CSMD1: variants seen among roughly 807,000 people sequenced by gnomAD.
The protein encoded by CSMD1 is CUB and Sushi multiple domains 1, also known as CUB and sushi domain-containing protein 1.
In CSMD1, 213 loss-of-function variants were observed where a neutral mutation model predicts 417.5. The observed-to-expected ratio is 0.51, with a 90% CI of 0.46 to 0.57. The LOEUF is 0.57. Ranked by LOEUF, CSMD1 falls within the 20% of genes least tolerant of loss-of-function variation. The pLI is 0.00. For synonymous variants in CSMD1, 2,862 were observed against 1,736.8 expected, an observed-to-expected ratio of 1.65 and a Z score of -16.11; for missense variants, 6,923 against 4,529.7, an observed-to-expected ratio of 1.53 and a Z score of -15.17.
chr8:4,680,681 G>A (rs181795461), intron 1 of CSMD1, among the ~76,000 whole-genome samples: 1,641 of 152,186 alleles, frequency 0.011, 16 homozygotes, highest in Middle Eastern at 0.017. Context: ...CCAGGTTCAA[G>A]TGACTCTCCC....
chr8:3,174,146 G>C (rs1460400), intron 37 of CSMD1, among the ~76,000 whole-genome samples: 100,168 of 152,052 alleles, frequency 0.66, 34,328 homozygotes, highest in African/African-American at 0.85. Flanking sequence ...TCAGCACAGC[G>C]AACTGCAGAA....
At chr8:4,749,863 A>G (rs537089995) in intron 1 of CSMD1, among the ~76,000 whole-genome samples, 1 of 152,110 alleles carries the variant, frequency 6.6e-6, no homozygotes, top group Non-Finnish European at 1.5e-5. Context: ...ATTTACGGCA[A>G]AAAGAGAAAT....
intron 10 of CSMD1, among the ~76,000 whole-genome samples, chr8:3,554,020 A>G (rs1391007385): frequency 6.6e-6 from 1 of 152,194 alleles, no homozygotes; most frequent in African/African-American, 2.4e-5. Flanking sequence ...ATTTTTCAAA[A>G]AAAATAAGTA....
chr8:3,701,976 CT>C (rs1166533100), intron 7 of CSMD1, among the ~76,000 whole-genome samples: 9 of 149,574 alleles, frequency 6.0e-5, no homozygotes, highest in Middle Eastern at 3.4e-3. Context: ...CTTCAGGTCT[CT>C]TTTTTTTTTC....
At chr8:3,802,682 C>G (rs10112083) in intron 5 of CSMD1, among the ~76,000 whole-genome samples, 38,213 of 152,004 alleles carry the variant, frequency 0.25, 5,422 homozygotes, top group Non-Finnish European at 0.32. Flanking sequence ...CATGACACTT[C>G]AAAACGCAAT....
chr8:4,479,690 G>C (rs764487801), intron 2 of CSMD1, among the ~76,000 whole-genome samples: 8 of 151,942 alleles, frequency 5.3e-5, no homozygotes, highest in African/African-American at 1.9e-4. Flanking sequence ...GGTCAGGAGA[G>C]AGAGACCATC....
Position 4,920,891 on chromosome 8 carries a change from GAAAA to G in CSMD1, c.85+73437_85+73440del, listed in dbSNP as rs1563768707. Among the ~76,000 whole-genome samples the G allele has an allele frequency of 4.1e-3, 200 of 49,182 alleles. 13 individuals are homozygous for G. The highest frequency in any genetic ancestry group is 0.012 in the African/African-American group (180 of 15,640). The allele number at this position is 49,182 out of a possible 152,430, so 32.3% of individuals were successfully genotyped here. ...GAAAAGAAAAGAAAAGAAAAGAAAA[GAAAA>G]GAAAAGAAAAGAAAAGAAAAGAAAA... On this transcript the variant is annotated intron_variant, in intron 1 of 69. Transcript: ENST00000635120.
At chr8:3,467,578 G>C (rs1310417238) in intron 12 of CSMD1, among the ~76,000 whole-genome samples, 1 of 152,140 alleles carries the variant, frequency 6.6e-6, no homozygotes, top group Admixed American at 6.5e-5. Flanking sequence ...GGGTCATTAA[G>C]TCCCCAACAC....
intron 33 of CSMD1, among the ~76,000 whole-genome samples, chr8:3,194,718 C>A (rs1796609583): frequency 6.6e-6 from 1 of 151,732 alleles, no homozygotes; most frequent in Non-Finnish European, 1.5e-5. Context: ...AATCTGCCTG[C>A]CTTGGCCTCC....
chr8:4,993,704 G>T (rs570508993), intron 1 of CSMD1, among the ~76,000 whole-genome samples: 6 of 152,302 alleles, frequency 3.9e-5, no homozygotes, highest in Admixed American at 1.3e-4. Context: ...CTTACAACTT[G>T]CAAGGAGCGA....
intron 12 of CSMD1, among the ~76,000 whole-genome samples, chr8:3,449,119 G>T (rs990820229): frequency 1.2e-4 from 18 of 152,302 alleles, no homozygotes; most frequent in African/African-American, 4.1e-4. Context: ...AAAGCAACAT[G>T]CAAAGCACTT....
At chr8:4,974,198 G>A (rs1344719245) in intron 1 of CSMD1, among the ~76,000 whole-genome samples, 1 of 121,156 alleles carries the variant, frequency 8.3e-6, no homozygotes. Flanking sequence ...TTTTTTTTTT[G>A]TATTTTTAAT....
chr8:4,283,459 G>C (rs1174425497), intron 3 of CSMD1, among the ~76,000 whole-genome samples: 1 of 152,194 alleles, frequency 6.6e-6, no homozygotes, highest in East Asian at 1.9e-4. Flanking sequence ...ATTATCTCTT[G>C]CATTTTTACT....
At chr8:3,647,427 AAGAGAAATACAGTACAT>A (rs1322520892) in intron 7 of CSMD1, among the ~76,000 whole-genome samples, 1 of 152,202 alleles carries the variant, frequency 6.6e-6, no homozygotes, top group Non-Finnish European at 1.5e-5. Flanking sequence ...AAACAGCATA[AAGAGAAATACAGTACAT>A]AGAGAAATAC....
At chr8:3,809,688 C>G (rs1800953510) in intron 5 of CSMD1, among the ~76,000 whole-genome samples, 10 of 152,096 alleles carry the variant, frequency 6.6e-5, no homozygotes, top group Admixed American at 6.6e-4. Context: ...ATCTGGGAAC[C>G]ACACTTCCAG....
chr8:4,828,002 C>A (rs1465798214), intron 1 of CSMD1, among the ~76,000 whole-genome samples: 2 of 152,082 alleles, frequency 1.3e-5, no homozygotes, highest in Admixed American at 6.5e-5. Flanking sequence ...CTTTATAATG[C>A]AAAATGCATG....
chr8:3,255,484 G>A (rs1800582409), intron 26 of CSMD1, among the ~76,000 whole-genome samples: 1 of 152,218 alleles, frequency 6.6e-6, no homozygotes, highest in South Asian at 2.1e-4. Context: ...TACAGAGGCA[G>A]GCAGGCCTCC....
intron 37 of CSMD1, among the ~76,000 whole-genome samples, chr8:3,170,817 G>C (rs752401549): frequency 3.3e-5 from 5 of 152,106 alleles, no homozygotes; most frequent in South Asian, 2.1e-4. Flanking sequence ...ATCTACCCCT[G>C]ATTTCTTTAA....
chr8:4,933,573 C>A (rs13250617), intron 1 of CSMD1, among the ~76,000 whole-genome samples: 1 of 151,850 alleles, frequency 6.6e-6, no homozygotes. Context: ...ACATACAATA[C>A]TGGAAGTTTT....
Sources: gnomAD v4.1 joint callset for allele counts (sites outside exome capture counted in the v4.1 genomes callset) on GRCh38, gnomAD v4.1.1 for gene constraint, MANE v1.5 for transcripts, NCBI Gene and HGNC (gene_info 2026-07-23, HGNC 2026-07-21) for gene names.